CAMK2D: variants seen among roughly 807,000 people sequenced by gnomAD.
CAMK2D encodes calcium/calmodulin-dependent protein kinase type II subunit delta.
A neutral mutation model predicts 84.0 loss-of-function variants in CAMK2D; 37 were observed. The observed-to-expected ratio is 0.44, with a 90% CI of 0.34 to 0.58. The LOEUF is 0.58. Among genes scored for constraint, CAMK2D ranks in the 20% least tolerant of loss-of-function variants. The pLI is 0.02. For missense variants in CAMK2D, 448 were observed against 652.5 expected (o/e 0.69, Z 3.41); for synonymous variants, 202 against 212.5 (o/e 0.95, Z 0.43).
chr4:113,724,941 T>C (rs2099541479), intron 2 of CAMK2D, among the ~76,000 whole-genome samples: 1 of 152,070 alleles, frequency 6.6e-6, no homozygotes. Flanking sequence ...TTCTTTGCCT[T>C]TTCAAACTTT....
At chr4:113,679,788 T>C (rs1307732896) in intron 2 of CAMK2D, among the ~76,000 whole-genome samples, 2 of 152,180 alleles carry the variant, frequency 1.3e-5, no homozygotes, top group Non-Finnish European at 2.9e-5. Flanking sequence ...TCAGACTTAC[T>C]AGTTTTCTTA....
At chr4:113,600,913 G>A (rs143315056) in intron 4 of CAMK2D, among the ~76,000 whole-genome samples, 2 of 152,262 alleles carry the variant, frequency 1.3e-5, no homozygotes, top group African/African-American at 4.8e-5. Flanking sequence ...GAGGTTACAA[G>A]CATGAGCCAC....
chr4:113,503,817 A>G (rs533196626), intron 14 of CAMK2D, among the ~76,000 whole-genome samples: 1 of 152,310 alleles, frequency 6.6e-6, no homozygotes, highest in Admixed American at 6.5e-5. Flanking sequence ...AACTGATGTA[A>G]AAAAAGATTC....
At chr4:113,742,675 T>G (rs1277695982) in intron 2 of CAMK2D, among the ~76,000 whole-genome samples, 2 of 152,114 alleles carry the variant, frequency 1.3e-5, no homozygotes, top group African/African-American at 4.8e-5. Context: ...GGAATACCAA[T>G]GCTTTTGGGA....
chr4:113,512,056 C>G (rs17592150), intron 12 of CAMK2D, among the ~76,000 whole-genome samples: 9,641 of 152,204 alleles, frequency 0.063, 608 homozygotes, highest in East Asian at 0.22. Flanking sequence ...AATAGCTGGA[C>G]AGTTTGATGC....
rs1279890757 is a variant in CAMK2D at position 113,500,516 on chromosome 4, TGAG to T, written c.1087-8_1087-6del. 1 of 1,590,466 alleles carries T rather than the reference TGAG, an allele frequency of 6.3e-7. No individual in the cohort carries two copies. Among genetic ancestry groups the T allele is most frequent in the African/African-American group, 1.3e-5 (1 of 74,332 alleles). ...ATTTGAACTCTCAGTTGACTCCTGA[TGAG>T]AAGAAAACACATTTTTAGGTTGCAC... On this transcript the variant is annotated splice_region_variant and splice_polypyrimidine_tract_variant and intron_variant, in intron 15 of 20. Coordinates refer to ENST00000511664, the MANE Select transcript of CAMK2D (RefSeq NM_001321571.2).
chr4:113,551,418 CAA>C (rs1431502645), intron 5 of CAMK2D, among the ~76,000 whole-genome samples: 2 of 151,942 alleles, frequency 1.3e-5, no homozygotes, highest in African/African-American at 2.4e-5. Context: ...ATGAAATTTC[CAA>C]AGAGTTAATT....
At chr4:113,739,890 T>C (rs539327495) in intron 2 of CAMK2D, among the ~76,000 whole-genome samples, 5 of 152,192 alleles carry the variant, frequency 3.3e-5, no homozygotes, top group Admixed American at 1.3e-4. Context: ...ATTGAACCCA[T>C]CACCCAGGTA....
At chr4:113,568,766 TTTTG>T (rs2098738206) in intron 4 of CAMK2D, among the ~76,000 whole-genome samples, 1 of 152,170 alleles carries the variant, frequency 6.6e-6, no homozygotes, top group African/African-American at 2.4e-5. Flanking sequence ...TGTTTGTTTG[TTTTG>T]TTTTTATAAT....
intron 12 of CAMK2D, 139 bp from the exon 13 acceptor site, chr4:113,509,814 C>A (rs2098186062): frequency 6.2e-6 from 4 of 647,340 alleles, no homozygotes; most frequent in African/African-American, 1.8e-5. Flanking sequence ...CAAAGTCACA[C>A]TGATGAACGC....
intron 2 of CAMK2D, among the ~76,000 whole-genome samples, chr4:113,663,164 T>A (rs2099242083): frequency 6.6e-6 from 1 of 152,204 alleles, no homozygotes; most frequent in Non-Finnish European, 1.5e-5. Context: ...TTTTAACAAG[T>A]ACTTATTCTT....
Position 113,454,560 on chromosome 4 carries a change from C to G in CAMK2D, c.*30-45G>C, listed in dbSNP as rs775723305. On this transcript the variant is annotated intron_variant, in intron 20 of 20. Transcript: ENST00000511664. The stretch of plus-strand genomic sequence containing the variant: ...GGAAGAAATAAATTATATTGTTTTA[C>G]AAAATATCATCAAATTGCTTTGCCA... 1.3e-5 allele frequency: 10 copies of G among 774,082 alleles called. No individual in the cohort carries two copies. The South Asian group carries it at 1.4e-4, about 10-fold the overall frequency. The allele number at this position is 774,082 out of a possible 1,614,324, so 48.0% of individuals were successfully genotyped here.
chr4:113,635,983 C>T lies in CAMK2D; in HGVS notation c.220+25730G>A, dbSNP rs138056417. On this transcript the variant is annotated intron_variant, in intron 3 of 20. Transcript: ENST00000511664. The stretch of plus-strand genomic sequence containing the variant: ...GTTATCAAATATTTTAAATAACATT[C>T]CTGTTGCATGCTGTCAACTTCTGAT... Among the ~76,000 whole-genome samples, 1,019 of 152,320 alleles carry T rather than the reference C, an allele frequency of 6.7e-3. 7 individuals are homozygous for T. Among genetic ancestry groups the T allele is most frequent in the Non-Finnish European group, 0.011 (755 of 68,024 alleles).
At chr4:113,691,155 A>C (rs145914393) in intron 2 of CAMK2D, among the ~76,000 whole-genome samples, 204 of 152,324 alleles carry the variant, frequency 1.3e-3, no homozygotes, top group African/African-American at 4.7e-3. Context: ...ACTAAAGGGT[A>C]GAACACCCTC....
intron 2 of CAMK2D, among the ~76,000 whole-genome samples, chr4:113,750,706 T>C (rs2099615184): frequency 6.6e-6 from 1 of 152,178 alleles, no homozygotes; most frequent in Admixed American, 6.5e-5. Flanking sequence ...TTTAGGAGGC[T>C]ATCTAAAAGA....
rs116135090 is a variant in CAMK2D at position 113,505,831 on chromosome 4, A to G, written c.985-796T>C. On this transcript the variant is annotated intron_variant, in intron 13 of 20. Transcript: ENST00000511664. Reference sequence around the variant, plus strand: ...GTGGTAAAAGCAACTCAGAGGGTCAATAAGTGTTCTAACGGTCCACAGAGA... The same window carrying G: ...GTGGTAAAAGCAACTCAGAGGGTCAGTAAGTGTTCTAACGGTCCACAGAGA... 5.2e-3 allele frequency among the ~76,000 whole-genome samples: 794 copies of G among 152,296 alleles called. 6 individuals are homozygous for G. Among genetic ancestry groups the G allele is most frequent in the African/African-American group, 0.018 (733 of 41,560 alleles).
chr4:113,702,450 T>G (rs1474287334), intron 2 of CAMK2D, among the ~76,000 whole-genome samples: 1 of 152,180 alleles, frequency 6.6e-6, no homozygotes, highest in East Asian at 1.9e-4. Flanking sequence ...CAACTTTTGC[T>G]TAAGAATAGC....
At chr4:113,480,072 C>G (rs1213565659) in intron 16 of CAMK2D, among the ~76,000 whole-genome samples, 3 of 152,066 alleles carry the variant, frequency 2.0e-5, no homozygotes, top group Non-Finnish European at 2.9e-5. Context: ...AGCAATTCTC[C>G]TGCCTCAGCC....
At chr4:113,522,879 C>T (rs999771540) in intron 8 of CAMK2D, among the ~76,000 whole-genome samples, 14 of 152,280 alleles carry the variant, frequency 9.2e-5, no homozygotes, top group Admixed American at 3.3e-4. Context: ...AATGTTTGTA[C>T]GGCTCTCAAA....
Sources: gnomAD v4.1 joint callset for allele counts (sites outside exome capture counted in the v4.1 genomes callset) on GRCh38, gnomAD v4.1.1 for gene constraint, MANE v1.5 for transcripts, NCBI Gene and HGNC (gene_info 2026-07-23, HGNC 2026-07-21) for gene names.